The following UEVLD variants were observed in gnomAD, a reference collection of about 807,000 sequenced individuals.
UEVLD encodes the protein UEV and lactate/malate dehyrogenase domains.
Under a neutral mutation model 58.6 loss-of-function variants are expected in UEVLD, and 47 were observed. That is an observed-to-expected ratio of 0.80 (90% CI 0.63 to 1.02). The LOEUF is 1.02. Among genes scored for constraint, UEVLD ranks in the 50% least tolerant of loss-of-function variants. UEVLD has a pLI of 0.00. For missense variants in UEVLD, 510 were observed against 550.6 expected, an observed-to-expected ratio of 0.93 and a Z score of 0.74; for synonymous variants, 197 against 195.3, an observed-to-expected ratio of 1.01 and a Z score of -0.07.
intron 2 of UEVLD, among the ~76,000 whole-genome samples, chr11:18,578,239 C>T (rs1258222833): frequency 6.6e-6 from 1 of 152,038 alleles, no homozygotes; most frequent in African/African-American, 2.4e-5. Context: ...GGTCAGAGGG[C>T]GATTTGACTA....
chr11:18,576,684 G>T (rs916599046), intron 2 of UEVLD, among the ~76,000 whole-genome samples: 1 of 152,044 alleles, frequency 6.6e-6, no homozygotes, highest in Non-Finnish European at 1.5e-5. Context: ...GGATCAGCTG[G>T]CACCACCCAG....
intron 7 of UEVLD, among the ~76,000 whole-genome samples, chr11:18,547,563 C>T (rs1338377698): frequency 1.3e-5 from 2 of 151,970 alleles, no homozygotes; most frequent in Admixed American, 1.3e-4. Flanking sequence ...GGGAAGATAG[C>T]AATAGTAATA....
intron 7 of UEVLD, among the ~76,000 whole-genome samples, chr11:18,555,035 A>G (rs1851699458): frequency 6.6e-6 from 1 of 152,160 alleles, no homozygotes; most frequent in African/African-American, 2.4e-5. Flanking sequence ...CATGCCTGTA[A>G]TCCCAGCATT....
At chr11:18,587,605 C>T (rs924928148) in intron 1 of UEVLD, 6 of 152,082 alleles carry the variant, frequency 3.9e-5, no homozygotes, top group African/African-American at 1.4e-4. Flanking sequence ...GAGTTCGAGA[C>T]CAGACTGGCC....
At chr11:18,588,251 C>G (rs1451117901) in intron 1 of UEVLD, among the ~76,000 whole-genome samples, 1 of 151,926 alleles carries the variant, frequency 6.6e-6, no homozygotes, top group African/African-American at 2.4e-5. Flanking sequence ...TTGGGTCTTA[C>G]AAAGGATGAG....
At position 18,544,745 on chromosome 11, in the gene UEVLD, C is replaced by T. The variant is rs150856594; in HGVS notation, c.938G>A (p.Arg313Gln). 1.7e-5 allele frequency: 27 copies of T among 1,568,736 alleles called. No individual in the cohort carries two copies. The Admixed American group carries it at 2.4e-4, about 14-fold the overall frequency. Reference sequence around the variant, plus strand: ...CAGATTACATCCAATTCCGATCACTCGATTTGCAGGAAATGTACTCAGTTT... The same window carrying T: ...CAGATTACATCCAATTCCGATCACTTGATTTGCAGGAAATGTACTCAGTTT... ...TWKLSTFPAN[R>Q]VIGIGCNLDS... The change falls in exon 9 of 12, where the codon CGA (arginine) becomes CAA (glutamine). Residue 313 changes from arginine to glutamine, a missense_variant. Transcript: ENST00000396197.
intron 1 of UEVLD, among the ~76,000 whole-genome samples, chr11:18,582,073 T>C (rs1212630637): frequency 6.7e-6 from 1 of 149,562 alleles, no homozygotes; most frequent in Non-Finnish European, 1.5e-5. Context: ...ACTACACAAA[T>C]GTACAAAAGG....
chr11:18,548,679 G>A (rs1468166874), intron 7 of UEVLD, among the ~76,000 whole-genome samples: 4 of 152,078 alleles, frequency 2.6e-5, no homozygotes, highest in Admixed American at 1.3e-4. Context: ...CACCCACCTC[G>A]GCCTCCCAAA....
At chr11:18,532,870 A>G (rs1850626046) in intron 11 of UEVLD, among the ~76,000 whole-genome samples, 1 of 152,152 alleles carries the variant, frequency 6.6e-6, no homozygotes, top group Non-Finnish European at 1.5e-5. Flanking sequence ...TAGCTTCTTT[A>G]AAAAATAAAA....
At chr11:18,550,847 AG>A (rs2133986698) in intron 7 of UEVLD, among the ~76,000 whole-genome samples, 1 of 152,344 alleles carries the variant, frequency 6.6e-6, no homozygotes, top group South Asian at 2.1e-4. Context: ...TAACCTGGGA[AG>A]CTTAATAAAA....
At chr11:18,574,268 A>T (rs571297890) in intron 3 of UEVLD, among the ~76,000 whole-genome samples, 29 of 152,236 alleles carry the variant, frequency 1.9e-4, no homozygotes, top group African/African-American at 6.7e-4. Flanking sequence ...CAGCCTTCTG[A>T]GTAGCTGGGA....
intron 1 of UEVLD, among the ~76,000 whole-genome samples, chr11:18,585,489 CAT>C (rs1185468199): frequency 2.0e-5 from 3 of 152,164 alleles, no homozygotes; most frequent in Admixed American, 6.5e-5. Flanking sequence ...CATTTCCAAA[CAT>C]GTGTGACTAC....
intron 9 of UEVLD, among the ~76,000 whole-genome samples, chr11:18,544,252 G>C (rs1851186835): frequency 6.6e-6 from 1 of 152,156 alleles, no homozygotes; most frequent in Non-Finnish European, 1.5e-5. Context: ...CAATTCTGGA[G>C]TCCTCAGATA....
intron 9 of UEVLD, among the ~76,000 whole-genome samples, 160 bp downstream of exon 9, chr11:18,544,463 G>A (rs763147064): frequency 2.7e-5 from 4 of 148,954 alleles, no homozygotes; most frequent in Non-Finnish European, 4.5e-5. Flanking sequence ...ATGCACTACC[G>A]TGCCTGGCTA....
At chr11:18,547,143 G>A (rs1590324254) in intron 7 of UEVLD, 93 bp from the exon 8 acceptor site, 1 of 1,375,212 alleles carries the variant, frequency 7.3e-7, no homozygotes, top group Non-Finnish European at 9.8e-7. Flanking sequence ...CAACAAATAA[G>A]AGAGCTTTTA....
intron 9 of UEVLD, among the ~76,000 whole-genome samples, chr11:18,540,402 A>G (rs953119693): frequency 1.3e-5 from 2 of 152,240 alleles, no homozygotes; most frequent in African/African-American, 4.8e-5. Context: ...GTTGGTATCT[A>G]TACATGAAAC....
In UEVLD at chr11:18,532,242, C is replaced by T; in HGVS notation, c.*78G>A. On this transcript the variant is annotated 3_prime_UTR_variant, in exon 12 of 12. Transcript: ENST00000396197. ...AAGTAAGTAGCAGGATACAGAAATC[C>T]TCAAACCTATATATAGGTAAAATTA... 1 of 1,350,438 alleles carries T rather than the reference C, an allele frequency of 7.4e-7. No individual in the cohort carries two copies. Among genetic ancestry groups the T allele is most frequent in the Non-Finnish European group, 9.8e-7 (1 of 1,016,246 alleles). 83.7% of individuals were successfully genotyped at this position (1,350,438 alleles called of 1,614,324 possible).
chr11:18,587,356 T>C (rs919037501), intron 1 of UEVLD, among the ~76,000 whole-genome samples: 2 of 152,196 alleles, frequency 1.3e-5, no homozygotes, highest in Non-Finnish European at 2.9e-5. Context: ...TCGCAGTAGA[T>C]AAATTCATTC....
chr11:18,588,711 A>C lies in UEVLD; in HGVS notation c.-57T>G. On this transcript the variant is annotated 5_prime_UTR_variant, in exon 1 of 12. Coordinates refer to ENST00000396197, the MANE Select transcript of UEVLD (RefSeq NM_001040697.4). ...CTCCAGCCCCCGGACCTTCTTCCGG[A>C]CTTGCTGCAGGACGGAAGCCGCTGA... is the stretch of plus-strand genomic sequence containing the variant. The C allele has an allele frequency of 1.3e-6, 2 of 1,581,216 alleles. No homozygotes were observed. Among genetic ancestry groups the C allele is most frequent in the Non-Finnish European group, 1.7e-6 (2 of 1,167,712 alleles).
Sources: allele counts gnomAD v4.1 joint callset (sites outside exome capture counted in the v4.1 genomes callset), GRCh38; gene constraint gnomAD v4.1.1; transcripts MANE v1.5; gene names NCBI Gene and HGNC (gene_info 2026-07-23, HGNC 2026-07-21).